The following SLIT3 variants were observed in gnomAD, a reference collection of about 807,000 sequenced individuals.
SLIT3 encodes slit guidance ligand 3.
SLIT3 carries 68 observed loss-of-function variants against 184.0 expected under a neutral mutation model. That is an observed-to-expected ratio of 0.37 (90% CI 0.30 to 0.45). SLIT3 has a LOEUF of 0.45. Among genes scored for constraint, SLIT3 ranks in the 20% least tolerant of loss-of-function variants. SLIT3 has a pLI of 1.00. For missense variants in SLIT3, 1,707 were observed against 2,026.0 expected (o/e 0.84, Z 3.02); for synonymous variants, 831 against 828.6 (o/e 1.00, Z -0.05).
At chr5:168,914,185 G>A (rs951132953) in intron 4 of SLIT3, among the ~76,000 whole-genome samples, 5 of 152,226 alleles carry the variant, frequency 3.3e-5, no homozygotes, top group Admixed American at 6.5e-5. Flanking sequence ...TCCTAGCAGT[G>A]GGACTGCTTG....
At position 169,221,578 on chromosome 5, in the gene SLIT3, G is replaced by A. The variant is rs528828719; in HGVS notation, c.341+23127C>T. 9.8e-5 allele frequency among the ~76,000 whole-genome samples: 15 copies of A among 152,292 alleles called. No homozygotes were observed. In the South Asian group the frequency reaches 2.5e-3, roughly 25 times the overall value. ...ATGGGTGTTAGGCTCCCCCAGGGGC[G>A]CAGGGTGGGATTTATTCACTGCTTC... On this transcript the variant is annotated intron_variant, in intron 3 of 35. Coordinates refer to ENST00000519560, the MANE Select transcript of SLIT3 (RefSeq NM_003062.4).
intron 4 of SLIT3, among the ~76,000 whole-genome samples, chr5:168,996,960 C>T (rs1755533795): frequency 6.6e-6 from 1 of 152,148 alleles, no homozygotes; most frequent in East Asian, 1.9e-4. Flanking sequence ...TCTGCAGGAC[C>T]ATCTTGACTG....
At chr5:168,746,090 T>A (rs998366254) in intron 20 of SLIT3, among the ~76,000 whole-genome samples, 1 of 152,236 alleles carries the variant, frequency 6.6e-6, no homozygotes, top group African/African-American at 2.4e-5. Context: ...CGATATGCAC[T>A]GGGAAACCAA....
chr5:168,803,001 C>T (rs941261450), intron 9 of SLIT3, among the ~76,000 whole-genome samples: 17 of 146,580 alleles, frequency 1.2e-4, no homozygotes, highest in African/African-American at 3.3e-4. Context: ...ACAGTCTATA[C>T]TCTTAACCTC....
At chr5:169,015,095 T>G (rs1275898940) in intron 4 of SLIT3, among the ~76,000 whole-genome samples, 4 of 143,736 alleles carry the variant, frequency 2.8e-5, no homozygotes, top group Non-Finnish European at 6.0e-5. Flanking sequence ...ACAAACCAAC[T>G]AACTGGACAA....
At position 169,027,611 on chromosome 5, in the gene SLIT3, C is replaced by A. The variant is rs571550386; in HGVS notation, c.414-144275G>T. Among the ~76,000 whole-genome samples, 5 of 152,244 alleles carry A rather than the reference C, an allele frequency of 3.3e-5. No individual in the cohort carries two copies. In the South Asian group the frequency reaches 6.2e-4, roughly 19 times the overall value. On this transcript the variant is annotated intron_variant, in intron 4 of 35. Coordinates refer to ENST00000519560, the MANE Select transcript of SLIT3 (RefSeq NM_003062.4). ...TTTTCACTCAACTCTCCGCCGTGACCCATATGCCACTTTATTCCTCCTTCC... is the reference window on the plus strand; with the variant it reads ...TTTTCACTCAACTCTCCGCCGTGACACATATGCCACTTTATTCCTCCTTCC...
chr5:168,816,045 GT>G (rs1317089980), intron 8 of SLIT3, among the ~76,000 whole-genome samples: 1 of 151,796 alleles, frequency 6.6e-6, no homozygotes, highest in East Asian at 1.9e-4. Context: ...AATGCTTTCT[GT>G]TTTTTTTGTT....
intron 4 of SLIT3, among the ~76,000 whole-genome samples, chr5:168,887,573 T>G (rs112701208): frequency 1.3e-5 from 2 of 152,186 alleles, no homozygotes; most frequent in South Asian, 4.1e-4. Flanking sequence ...GTGGAATCAT[T>G]TGCACATTAG....
intron 27 of SLIT3, among the ~76,000 whole-genome samples, chr5:168,696,926 C>T (rs2113270214): frequency 6.6e-6 from 1 of 152,200 alleles, no homozygotes; most frequent in Non-Finnish European, 1.5e-5. Context: ...AATATAGTGG[C>T]CAAGGTCCCA....
chr5:168,856,396 G>A (rs1175975702), intron 5 of SLIT3, among the ~76,000 whole-genome samples: 1 of 152,188 alleles, frequency 6.6e-6, no homozygotes, highest in Non-Finnish European at 1.5e-5. Context: ...CTATCTGGGT[G>A]TGAGAAGAAC....
intron 1 of SLIT3, among the ~76,000 whole-genome samples, chr5:169,299,383 A>T (rs1055938028): frequency 6.6e-6 from 1 of 152,212 alleles, no homozygotes; most frequent in Non-Finnish European, 1.5e-5. Flanking sequence ...AATGCTTGTC[A>T]TCACTACTCT....
At position 168,666,551 on chromosome 5, in the gene SLIT3, C is replaced by T. The variant is rs148264566; in HGVS notation, c.4475G>A (p.Ser1492Asn). 2.0e-3 allele frequency: 3,204 copies of T among 1,613,976 alleles called. 13 individuals carry two copies. Among genetic ancestry groups the T allele is most frequent in the South Asian group, 4.5e-3 (413 of 91,070 alleles). ...CTGGAAGACGTATTTCCGCCGCTTG[C>T]TGCGGGTGGGCTGGCAGCACTGGGG... is the stretch of plus-strand genomic sequence containing the variant. ...CGPQCCQPTR[S>N]KRRKYVFQCT... The change falls in exon 36 of 36, where the codon AGC (serine) becomes AAC (asparagine). Residue 1492 changes from serine to asparagine, a missense_variant. Transcript: ENST00000519560.
chr5:168,808,402 C>A (rs1168515339), intron 8 of SLIT3, among the ~76,000 whole-genome samples: 1 of 152,086 alleles, frequency 6.6e-6, no homozygotes, highest in African/African-American at 2.4e-5. Flanking sequence ...ATCATTTCAT[C>A]ATTATTTCCC....
intron 1 of SLIT3, 67 bp from the exon 2 acceptor site, chr5:169,251,526 T>C: frequency 9.5e-7 from 1 of 1,048,258 alleles, no homozygotes; most frequent in South Asian, 1.3e-5. Context: ...TAATCCAGAC[T>C]GGCTTGGACT....
intron 4 of SLIT3, among the ~76,000 whole-genome samples, chr5:168,969,342 T>C (rs903997385): frequency 6.6e-6 from 1 of 152,202 alleles, no homozygotes; most frequent in East Asian, 1.9e-4. Context: ...TTGGCTTTAA[T>C]TTTCTCCTCA....
In SLIT3 at chr5:168,683,752, G is replaced by A. The variant is rs3733974; in HGVS notation, c.3686+214C>T. The stretch of plus-strand genomic sequence containing the variant: ...TGATGAGGTGTCACCTCCCCTCTGC[G>A]GGCCTGCCTTCCTCTGCCTCTTCCT... On this transcript the variant is annotated intron_variant, in intron 32 of 35. Transcript: ENST00000519560. Among the ~76,000 whole-genome samples, 55 of 152,274 alleles carry A rather than the reference G, an allele frequency of 3.6e-4. No individual in the cohort carries two copies. The East Asian group carries it at 8.1e-3, about 22-fold the overall frequency.
Position 169,081,829 on chromosome 5 carries a change from G to A in SLIT3, c.413+111650C>T, listed in dbSNP as rs577140788. ...CCTGTGCTTTGCTCTTACATACACC[G>A]TCTCACTTACTCTTCACAGCAACAC... On this transcript the variant is annotated intron_variant, in intron 4 of 35. Transcript: ENST00000519560. 1.4e-4 allele frequency among the ~76,000 whole-genome samples: 21 copies of A among 152,206 alleles called. No homozygotes were observed. In the East Asian group the frequency reaches 3.1e-3, roughly 22 times the overall value.
chr5:168,733,159 G>A (rs2113403958), intron 20 of SLIT3, among the ~76,000 whole-genome samples: 1 of 151,170 alleles, frequency 6.6e-6, no homozygotes, highest in South Asian at 2.1e-4. Flanking sequence ...CTCAAAAACA[G>A]ACATACAATT....
chr5:168,872,636 TC>T lies in SLIT3; in HGVS notation c.485+10628del, dbSNP rs1759569722. ...TACTTTCTTCTTTTCTTCTTCTTCT[TC>T]TTCTTTTTTTTTTTTTTTTGAGACA... On this transcript the variant is annotated intron_variant, in intron 5 of 35. Coordinates refer to ENST00000519560, the MANE Select transcript of SLIT3 (RefSeq NM_003062.4). 6.0e-4 allele frequency among the ~76,000 whole-genome samples: 79 copies of T among 131,174 alleles called. 1 individual carries two copies. The highest frequency in any genetic ancestry group is 1.9e-3 in the African/African-American group (64 of 33,548). 86.1% of individuals were successfully genotyped at this position (131,174 alleles called of 152,430 possible). A position where few individuals can be genotyped will look rare whatever the true frequency, so the allele number is the denominator to read the frequency against.
Sources: allele counts gnomAD v4.1 joint callset (sites outside exome capture counted in the v4.1 genomes callset), GRCh38; gene constraint gnomAD v4.1.1; transcripts MANE v1.5; gene names NCBI Gene and HGNC (gene_info 2026-07-23, HGNC 2026-07-21).